ERCC6: variants seen among roughly 807,000 people sequenced by gnomAD.
ERCC6 encodes the protein ERCC excision repair 6, chromatin remodeling factor.
ERCC6 carries 116 observed loss-of-function variants against 158.7 expected under a neutral mutation model. The observed-to-expected ratio is 0.73, with a 90% CI of 0.63 to 0.85. ERCC6 has a LOEUF of 0.85. Ranked by LOEUF, ERCC6 falls within the 40% of genes least tolerant of loss-of-function variation. The pLI is 0.00. For missense variants in ERCC6, 1,698 were observed against 1,799.4 expected (o/e 0.94, Z 1.02); for synonymous variants, 678 against 659.3 (o/e 1.03, Z -0.43).
chr10:49,437,319 A>C, the ERCC6 span, among the ~76,000 whole-genome samples: 1 of 152,202 alleles, frequency 6.6e-6, no homozygotes. Flanking sequence ...GGACTAATAT[A>C]TACAGCTACA....
chr10:49,528,834 G>A (rs1225992287), intron 3 of ERCC6, among the ~76,000 whole-genome samples: 30 of 152,140 alleles, frequency 2.0e-4, no homozygotes, highest in Admixed American at 2.0e-3. Flanking sequence ...CTGAAAGGTG[G>A]ACTTGTTCTA....
chr10:49,500,533 C>T lies in ERCC6; in HGVS notation c.1685+5G>A, dbSNP rs1349103905. The T allele has an allele frequency of 8.1e-6, 13 of 1,613,596 alleles. No individual in the cohort carries two copies. Among genetic ancestry groups the T allele is most frequent in the Admixed American group, 5.0e-5 (3 of 59,988 alleles). On this transcript the variant is annotated splice_donor_5th_base_variant and intron_variant, in intron 7 of 20. Coordinates refer to ENST00000355832, the MANE Select transcript of ERCC6 (RefSeq NM_000124.4). ...CAGACTGACAGTCTGCAGAGGAGCA[C>T]TTGCCTGTAATTTGAACCACGAGTC...
intron 5 of ERCC6, among the ~76,000 whole-genome samples, chr10:49,507,248 G>A (rs1038626750): frequency 6.6e-6 from 1 of 152,084 alleles, no homozygotes; most frequent in Admixed American, 6.6e-5. Context: ...ACAAAAGGAA[G>A]GGCTAGCTGA....
intron 1 of ERCC6, among the ~76,000 whole-genome samples, chr10:49,538,340 T>C (rs1837651702): frequency 6.6e-6 from 1 of 152,200 alleles, no homozygotes; most frequent in Non-Finnish European, 1.5e-5. Context: ...GGAATGACTC[T>C]GAAAACTGTT....
At chr10:49,440,655 C>T in the ERCC6 span, among the ~76,000 whole-genome samples, 1 of 152,194 alleles carries the variant, frequency 6.6e-6, no homozygotes, top group Admixed American at 6.5e-5. Context: ...GTCATCATTG[C>T]AAAAGGCAGA....
rs965435947 is a variant in ERCC6, at chr10:49,538,986, G to A, written c.-39C>T. 6.5e-6 allele frequency: 1 copy of A among 152,724 alleles called. No homozygotes were observed. Among genetic ancestry groups the A allele is most frequent in the Non-Finnish European group, 1.5e-5 (1 of 68,468 alleles). The allele number at this position is 152,724 out of a possible 1,614,324, so 9.5% of individuals were successfully genotyped here. A position where few individuals can be genotyped will look rare whatever the true frequency, so the allele number is the denominator to read the frequency against. On this transcript the variant is annotated 5_prime_UTR_variant, in exon 1 of 21. Coordinates refer to ENST00000355832, the MANE Select transcript of ERCC6 (RefSeq NM_000124.4). ...CCCAGGGCCGCGCGAGCGCCCACAA[G>A]GAAACAGAGACGCTACCGCCGCCAG...
chr10:49,522,134 T>C (rs12220085), intron 5 of ERCC6, among the ~76,000 whole-genome samples: 15,681 of 152,248 alleles, frequency 0.1, 1,175 homozygotes, highest in East Asian at 0.38. Flanking sequence ...GTAAACTCTA[T>C]GACTTTATTC....
chr10:49,461,223 C>T (rs1379337075), intron 19 of ERCC6, 129 bp downstream of exon 19: 2 of 1,002,784 alleles, frequency 2.0e-6, no homozygotes, highest in African/African-American at 1.6e-5. Flanking sequence ...GATTTTGCTG[C>T]TATAATCCCT....
intron 8 of ERCC6, chr10:49,488,364 G>C (rs1293690710): frequency 6.5e-6 from 1 of 153,794 alleles, no homozygotes; most frequent in East Asian, 1.9e-4. Context: ...CGCTTCCTAG[G>C]CAGGATTTAC....
chr10:49,511,755 G>A (rs1029028250), intron 5 of ERCC6, among the ~76,000 whole-genome samples: 3 of 152,076 alleles, frequency 2.0e-5, no homozygotes, highest in Admixed American at 1.3e-4. Context: ...CCTAAAGCCC[G>A]TCTCAGGCTC....
Position 49,461,351 on chromosome 10 carries a change from C to G in ERCC6, c.3983+1G>C, listed in dbSNP as rs771290763. ...AAGTATGGCATGCAGCAATCTCTTA[C>G]TTTTTTCCTGCTGGTGCACCAGAAA... On this transcript the variant is annotated splice_donor_variant, in intron 19 of 20. Coordinates refer to ENST00000355832, the MANE Select transcript of ERCC6 (RefSeq NM_000124.4). LOFTEE classifies it high-confidence loss of function. 1.9e-6 allele frequency: 3 copies of G among 1,612,804 alleles called. No individual in the cohort carries two copies. In the Admixed American group the frequency reaches 5.0e-5, roughly 27 times the overall value.
chr10:49,437,904 G>A, the ERCC6 span, among the ~76,000 whole-genome samples: 1 of 152,084 alleles, frequency 6.6e-6, no homozygotes, highest in South Asian at 2.1e-4. Context: ...TTGAGAATAG[G>A]ACACATGTGC....
At chr10:49,437,221 C>T in the ERCC6 span, among the ~76,000 whole-genome samples, 34 of 152,188 alleles carry the variant, frequency 2.2e-4, no homozygotes, top group Non-Finnish European at 4.3e-4. Flanking sequence ...GAAGCCTCCC[C>T]AGCCATGTGG....
intron 5 of ERCC6, among the ~76,000 whole-genome samples, chr10:49,513,658 A>G (rs1836867247): frequency 6.6e-6 from 1 of 152,144 alleles, no homozygotes; most frequent in Non-Finnish European, 1.5e-5. Context: ...AAGCACAGGA[A>G]AAACTTCCAC....
chr10:49,444,707 C>G, the ERCC6 span, among the ~76,000 whole-genome samples: 1 of 152,162 alleles, frequency 6.6e-6, no homozygotes, highest in African/African-American at 2.4e-5. Flanking sequence ...TACAAGTAGT[C>G]TATGAAATGT....
At chr10:49,538,535 T>A (rs889665027) in intron 1 of ERCC6, among the ~76,000 whole-genome samples, 3 of 152,156 alleles carry the variant, frequency 2.0e-5, no homozygotes, top group Admixed American at 6.5e-5. Flanking sequence ...AACAGCAGCA[T>A]TTACAGGCGG....
chr10:49,529,154 G>A (rs571193512), intron 3 of ERCC6, among the ~76,000 whole-genome samples: 7 of 152,306 alleles, frequency 4.6e-5, no homozygotes, highest in African/African-American at 1.7e-4. Context: ...GGGCTTCACT[G>A]GGGAGGCCCA....
chr10:49,502,690 G>A (rs988744457), intron 6 of ERCC6: 17 of 152,170 alleles, frequency 1.1e-4, no homozygotes, highest in Non-Finnish European at 8.8e-5. Flanking sequence ...TTCTCAGCCA[G>A]GGGTAATTCT....
intron 5 of ERCC6, 148 bp downstream of exon 5, chr10:49,523,885 T>C (rs1168362481): frequency 4.2e-6 from 5 of 1,187,388 alleles, no homozygotes; most frequent in East Asian, 5.1e-5. Context: ...CCACTGCTTC[T>C]AGCAGGTTAA....
Sources: gnomAD v4.1 joint callset for allele counts (sites outside exome capture counted in the v4.1 genomes callset) on GRCh38, gnomAD v4.1.1 for gene constraint, MANE v1.5 for transcripts, NCBI Gene and HGNC (gene_info 2026-07-23, HGNC 2026-07-21) for gene names.